Variants in SARAF observed in about 807,000 individuals in gnomAD.
The protein encoded by SARAF is store-operated calcium entry associated regulatory factor, also known as store-operated calcium entry-associated regulatory factor.
A neutral mutation model predicts 39.7 loss-of-function variants in SARAF; 23 were observed. That is an observed-to-expected ratio of 0.58 (90% CI 0.42 to 0.82). The LOEUF (loss-of-function observed/expected upper bound fraction) is 0.82, where lower values mean the gene tolerates loss of function less well. Ranked by LOEUF, SARAF falls within the 40% of genes least tolerant of loss-of-function variation. The pLI is 0.00. For synonymous variants in SARAF, 175 were observed against 168.5 expected, an observed-to-expected ratio of 1.04 and a Z score of -0.30; for missense variants, 384 against 418.5, an observed-to-expected ratio of 0.92 and a Z score of 0.72.
chr8:30,071,765 C>A (rs368483529), intron 2 of SARAF, among the ~76,000 whole-genome samples: 3 of 152,156 alleles, frequency 2.0e-5, no homozygotes, highest in Non-Finnish European at 4.4e-5. Context: ...AAGATTCATC[C>A]ACGTTGTAGC....
At chr8:30,077,428 T>C (rs1008769228) in intron 1 of SARAF, among the ~76,000 whole-genome samples, 6 of 151,456 alleles carry the variant, frequency 4.0e-5, no homozygotes, top group Non-Finnish European at 5.9e-5. Flanking sequence ...GCCTGGGTGA[T>C]AGAGTGAGAC....
intron 3 of SARAF, among the ~76,000 whole-genome samples, chr8:30,068,227 C>T (rs1026719195): frequency 6.6e-6 from 1 of 152,158 alleles, no homozygotes; most frequent in Non-Finnish European, 1.5e-5. Context: ...AAAGCCACTC[C>T]CCCATCACTT....
At chr8:30,066,230 T>C (rs778735566) in intron 4 of SARAF, 91 bp from the exon 5 acceptor site, 12 of 1,303,510 alleles carry the variant, frequency 9.2e-6, no homozygotes, top group Non-Finnish European at 1.3e-5. Context: ...GAAAAAAATA[T>C]CTTTATCAAG....
intron 5 of SARAF, among the ~76,000 whole-genome samples, chr8:30,065,077 T>C (rs112477405): frequency 1.3e-5 from 2 of 152,318 alleles, no homozygotes; most frequent in South Asian, 2.1e-4. Flanking sequence ...CAACTACTTA[T>C]TCTTAGTTGC....
At chr8:30,070,490 T>C (rs549428344) in intron 2 of SARAF, among the ~76,000 whole-genome samples, 16 of 152,228 alleles carry the variant, frequency 1.1e-4, no homozygotes, top group African/African-American at 3.4e-4. Flanking sequence ...AAATTCACAA[T>C]GGTAAGTATT....
intron 3 of SARAF, 197 bp from the exon 4 acceptor site, chr8:30,067,115 T>A: frequency 1.7e-6 from 1 of 596,490 alleles, no homozygotes; most frequent in East Asian, 3.0e-5. Context: ...TTCCCATAGA[T>A]ATGGGAGGAG....
chr8:30,066,888 GA>G lies in SARAF; in HGVS notation c.730del (p.Ser244LeufsTer30). The G allele has an allele frequency of 6.2e-7, 1 of 1,614,088 alleles. No homozygotes were observed. Among genetic ancestry groups the G allele is most frequent in the Non-Finnish European group, 8.5e-7 (1 of 1,179,998 alleles). On this transcript the variant is annotated frameshift_variant, in exon 4 of 6. Coordinates refer to ENST00000256255, the MANE Select transcript of SARAF (RefSeq NM_016127.6). LOFTEE classifies it high-confidence loss of function. ...GPQNTGHGAT[S>X]GFGSAFTGQQ... The stretch of plus-strand genomic sequence containing the variant: ...TCCTGTAAAAGCACTGCCAAAACCA[GA>G]AGTTGCACCATGGCCAGTATTCTGT...
In SARAF at chr8:30,082,951, G is replaced by C; in HGVS notation, c.-2C>G. On this transcript the variant is annotated 5_prime_UTR_variant, in exon 1 of 6. Transcript: ENST00000256255. ...TCCCGGCCCGCAGGCTGCGGCCATGGCGCTCGATGAAGATGGCGCCGGGCT... is the reference window on the plus strand; with the variant it reads ...TCCCGGCCCGCAGGCTGCGGCCATGCCGCTCGATGAAGATGGCGCCGGGCT... 1 of 1,542,018 alleles carries C rather than the reference G, an allele frequency of 6.5e-7. No homozygotes were observed. The highest frequency in any genetic ancestry group is 8.7e-7 in the Non-Finnish European group (1 of 1,144,560).
chr8:30,079,048 T>C (rs1283442348), intron 1 of SARAF, among the ~76,000 whole-genome samples: 1 of 151,170 alleles, frequency 6.6e-6, no homozygotes, highest in African/African-American at 2.4e-5. Context: ...TCCCAGCTAC[T>C]TGGGAGGCTG....
intron 5 of SARAF, among the ~76,000 whole-genome samples, chr8:30,064,545 A>ATTTT (rs1327312959): frequency 3.6e-4 from 12 of 32,954 alleles, no homozygotes; most frequent in Non-Finnish European, 6.7e-4. Flanking sequence ...ATATATATAT[A>ATTTT]TATATATATA....
chr8:30,069,435 C>A (rs569567073), intron 3 of SARAF, among the ~76,000 whole-genome samples: 5 of 152,038 alleles, frequency 3.3e-5, no homozygotes, highest in Admixed American at 2.0e-4. Flanking sequence ...CCACCGCGCC[C>A]GGCCAATCAG....
intron 3 of SARAF, among the ~76,000 whole-genome samples, chr8:30,069,133 CA>C (rs1193310917): frequency 3.4e-4 from 32 of 94,522 alleles, no homozygotes; most frequent in South Asian, 1.0e-3. Context: ...TTTAATCAGG[CA>C]TTTTTTTTTT....
chr8:30,065,298 T>C (rs940801881), intron 5 of SARAF, among the ~76,000 whole-genome samples: 1 of 152,200 alleles, frequency 6.6e-6, no homozygotes, highest in African/African-American at 2.4e-5. Flanking sequence ...TATGCATAGG[T>C]TCAATTTTAG....
At chr8:30,063,957 A>G (rs1229383264) in intron 5 of SARAF, 44 bp from the exon 6 acceptor site, 3 of 1,491,564 alleles carry the variant, frequency 2.0e-6, no homozygotes, top group South Asian at 2.3e-5. Context: ...TTAAAAATGC[A>G]TTAGAATTGC....
intron 1 of SARAF, 105 bp downstream of exon 1, chr8:30,082,742 C>T: frequency 6.9e-6 from 6 of 863,662 alleles, no homozygotes; most frequent in Non-Finnish European, 1.0e-5. Flanking sequence ...AATCCGGGCA[C>T]CCAGGCTCCG....
chr8:30,081,895 T>TA, intron 1 of SARAF, among the ~76,000 whole-genome samples: 1 of 152,216 alleles, frequency 6.6e-6, no homozygotes, highest in East Asian at 1.9e-4. Flanking sequence ...TGTACTGACA[T>TA]AAAAGAACCT....
At chr8:30,065,350 T>G (rs1253559306) in intron 5 of SARAF, among the ~76,000 whole-genome samples, 1 of 152,194 alleles carries the variant, frequency 6.6e-6, no homozygotes, top group Non-Finnish European at 1.5e-5. Flanking sequence ...TCAATATATA[T>G]CCAAACCAGC....
chr8:30,071,267 A>C (rs1801834990), intron 2 of SARAF, among the ~76,000 whole-genome samples: 1 of 152,198 alleles, frequency 6.6e-6, no homozygotes, highest in Admixed American at 6.5e-5. Flanking sequence ...GAACGACTTG[A>C]ACCCAGAGGC....
In SARAF at chr8:30,083,004, T is replaced by A; in HGVS notation, c.-55A>T. ...CAGACGCCTACGGGCCGAACCTGGGTGCGGTAGCGCGCGCGACGCTGCGCA... is the reference window on the plus strand; with the variant it reads ...CAGACGCCTACGGGCCGAACCTGGGAGCGGTAGCGCGCGCGACGCTGCGCA... On this transcript the variant is annotated 5_prime_UTR_variant, in exon 1 of 6. Coordinates refer to ENST00000256255, the MANE Select transcript of SARAF (RefSeq NM_016127.6). 7.3e-7 allele frequency: 1 copy of A among 1,370,922 alleles called. No homozygotes were observed. Among genetic ancestry groups the A allele is most frequent in the Non-Finnish European group, 9.9e-7 (1 of 1,010,320 alleles). 84.9% of individuals were successfully genotyped at this position (1,370,922 alleles called of 1,614,324 possible).
Sources: gnomAD v4.1 joint callset for allele counts (sites outside exome capture counted in the v4.1 genomes callset) on GRCh38, gnomAD v4.1.1 for gene constraint, MANE v1.5 for transcripts, NCBI Gene and HGNC (gene_info 2026-07-23, HGNC 2026-07-21) for gene names.